The following JAZF1 variants were observed in gnomAD, a reference collection of about 807,000 sequenced individuals.
JAZF1 encodes the protein juxtaposed with another zinc finger protein 1.
In JAZF1, 8 loss-of-function variants were observed where a neutral mutation model predicts 26.4. The observed-to-expected ratio is 0.30, with a 90% confidence interval of 0.18 to 0.55. The LOEUF (loss-of-function observed/expected upper bound fraction) is 0.55, where lower values mean the gene tolerates loss of function less well. JAZF1 is among the 20% of genes least tolerant of loss of function. The probability of loss-of-function intolerance (pLI) is 0.94; values close to 1 mark genes in which losing one functional copy is unlikely to be tolerated. For synonymous variants in JAZF1, 126 were observed against 122.3 expected, an observed-to-expected ratio of 1.03 and a Z score of -0.20; for missense variants, 199 against 322.0, an observed-to-expected ratio of 0.62 and a Z score of 2.92.
intron 2 of JAZF1, among the ~76,000 whole-genome samples, chr7:27,954,374 C>G (rs1230285508): frequency 6.6e-6 from 1 of 152,190 alleles, no homozygotes; most frequent in Non-Finnish European, 1.5e-5. Flanking sequence ...GAGGAACATT[C>G]TCTGTGGAAC....
At chr7:27,927,178 C>G (rs546454917) in intron 2 of JAZF1, among the ~76,000 whole-genome samples, 59 of 152,292 alleles carry the variant, frequency 3.9e-4, no homozygotes, top group African/African-American at 1.1e-3. Flanking sequence ...TCTGTCTCCC[C>G]CTTCAGAGTT....
At chr7:28,085,423 C>A (rs1784198516) in intron 1 of JAZF1, among the ~76,000 whole-genome samples, 1 of 152,116 alleles carries the variant, frequency 6.6e-6, no homozygotes, top group Non-Finnish European at 1.5e-5. Context: ...TAAAATGTTT[C>A]TCTTTAAAGT....
chr7:28,025,184 A>G (rs1783074235), intron 1 of JAZF1, among the ~76,000 whole-genome samples: 1 of 152,208 alleles, frequency 6.6e-6, no homozygotes, highest in African/African-American at 2.4e-5. Flanking sequence ...CTTGGGGTTT[A>G]GCTACTTTGT....
chr7:28,140,210 G>C (rs925423504), intron 1 of JAZF1, among the ~76,000 whole-genome samples: 1 of 151,668 alleles, frequency 6.6e-6, no homozygotes, highest in Non-Finnish European at 1.5e-5. Flanking sequence ...AGCCTCCTGA[G>C]TAGCTGGGAT....
intron 2 of JAZF1, among the ~76,000 whole-genome samples, chr7:27,932,550 T>G (rs1449333186): frequency 6.6e-6 from 1 of 152,228 alleles, no homozygotes; most frequent in Non-Finnish European, 1.5e-5. Flanking sequence ...AATACAGACT[T>G]TTAAAAAGAA....
chr7:27,917,557 C>A (rs970405344), intron 2 of JAZF1, among the ~76,000 whole-genome samples: 3 of 152,144 alleles, frequency 2.0e-5, no homozygotes, highest in Non-Finnish European at 4.4e-5. Flanking sequence ...GATTTACCAC[C>A]TGAACACACT....
At chr7:28,066,890 CA>C (rs1304943256) in intron 1 of JAZF1, among the ~76,000 whole-genome samples, 2 of 151,962 alleles carry the variant, frequency 1.3e-5, no homozygotes, top group Admixed American at 1.3e-4. Context: ...AAAAGCTATC[CA>C]AAAAAACCCT....
chr7:27,886,976 C>G (rs1048666651), intron 3 of JAZF1, among the ~76,000 whole-genome samples: 1 of 152,182 alleles, frequency 6.6e-6, no homozygotes, highest in East Asian at 1.9e-4. Flanking sequence ...TGGAGGCCAT[C>G]ATCCTTAGGA....
At chr7:27,873,183 G>A (rs144697099) in intron 3 of JAZF1, among the ~76,000 whole-genome samples, 367 of 152,190 alleles carry the variant, frequency 2.4e-3, no homozygotes, top group African/African-American at 8.4e-3. Context: ...ATCTATTTCC[G>A]ACAAGGTCTT....
chr7:28,168,113 T>G (rs1783395899), intron 1 of JAZF1, among the ~76,000 whole-genome samples: 1 of 152,180 alleles, frequency 6.6e-6, no homozygotes, highest in African/African-American at 2.4e-5. Context: ...CCGGGCGCAG[T>G]GGCTCATGCC....
chr7:28,173,735 C>T (rs1446860208), intron 1 of JAZF1, among the ~76,000 whole-genome samples: 1 of 151,948 alleles, frequency 6.6e-6, no homozygotes, highest in Non-Finnish European at 1.5e-5. Flanking sequence ...AGGGGACTAT[C>T]AGTGCTCTCT....
intron 3 of JAZF1, among the ~76,000 whole-genome samples, chr7:27,884,903 C>T (rs950704041): frequency 1.3e-5 from 2 of 152,134 alleles, no homozygotes; most frequent in Non-Finnish European, 2.9e-5. Flanking sequence ...TCTGTGGCCC[C>T]GAGGAACCTA....
At chr7:27,949,255 A>G (rs1171848401) in intron 2 of JAZF1, among the ~76,000 whole-genome samples, 2 of 152,228 alleles carry the variant, frequency 1.3e-5, no homozygotes, top group African/African-American at 4.8e-5. Context: ...GGCAACTGTC[A>G]ACACAACAAT....
chr7:28,086,578 A>G (rs1784215302), intron 1 of JAZF1, among the ~76,000 whole-genome samples: 1 of 152,254 alleles, frequency 6.6e-6, no homozygotes, highest in African/African-American at 2.4e-5. Context: ...GTAACAGAGC[A>G]GCACCTTCAT....
Position 28,085,023 on chromosome 7 carries a change from C to T in JAZF1, c.116-93042G>A, listed in dbSNP as rs1291901687. On this transcript the variant is annotated intron_variant, in intron 1 of 4. Transcript: ENST00000283928. Reference sequence around the variant, plus strand: ...AGTCCCCACTTGGAGGAAGGCCTCACGAGATGCAGCCCCTCAACCTTGGAC... The same window carrying T: ...AGTCCCCACTTGGAGGAAGGCCTCATGAGATGCAGCCCCTCAACCTTGGAC... Among the ~76,000 whole-genome samples, 5 of 152,190 alleles carry T rather than the reference C, an allele frequency of 3.3e-5. No homozygotes were observed. In the South Asian group the frequency reaches 6.2e-4, roughly 19 times the overall value.
At chr7:28,113,603 T>G (rs2127934374) in intron 1 of JAZF1, among the ~76,000 whole-genome samples, 1 of 152,362 alleles carries the variant, frequency 6.6e-6, no homozygotes, top group Non-Finnish European at 1.5e-5. Flanking sequence ...GCTAGGCCCC[T>G]GCATTCATTC....
intron 1 of JAZF1, among the ~76,000 whole-genome samples, chr7:28,059,478 C>T (rs2128382156): frequency 6.6e-6 from 1 of 152,246 alleles, no homozygotes; most frequent in East Asian, 1.9e-4. Context: ...TATGTAATCA[C>T]CTCCTGACTG....
At chr7:27,899,835 C>T (rs865912321) in intron 2 of JAZF1, among the ~76,000 whole-genome samples, 104 of 152,206 alleles carry the variant, frequency 6.8e-4, no homozygotes, top group African/African-American at 2.4e-3. Context: ...TGTTTGAGGT[C>T]ATTTAGGATA....
intron 1 of JAZF1, among the ~76,000 whole-genome samples, chr7:28,158,146 C>A (rs545929122): frequency 1.5e-5 from 2 of 136,432 alleles, no homozygotes; most frequent in Non-Finnish European, 3.1e-5. Flanking sequence ...TGAAAACACG[C>A]GCGCACACAC....
Sources: gnomAD v4.1 joint callset for allele counts (sites outside exome capture counted in the v4.1 genomes callset) on GRCh38, gnomAD v4.1.1 for gene constraint, MANE v1.5 for transcripts, NCBI Gene and HGNC (gene_info 2026-07-23, HGNC 2026-07-21) for gene names.